Variants in NECTIN1 observed in about 807,000 individuals in gnomAD.
The protein encoded by NECTIN1 is nectin cell adhesion molecule 1.
NECTIN1 carries 23 observed loss-of-function variants against 48.0 expected under a neutral mutation model. The observed-to-expected ratio is 0.48, with a 90% CI of 0.34 to 0.68. The LOEUF (loss-of-function observed/expected upper bound fraction) is 0.68. Among genes scored for constraint, NECTIN1 ranks in the 30% least tolerant of loss-of-function variants. The pLI, the probability that NECTIN1 is intolerant of heterozygous loss-of-function variation, is 0.01. For synonymous variants in NECTIN1, 270 were observed against 288.9 expected (o/e 0.93, Z 0.66); for missense variants, 591 against 709.9 (o/e 0.83, Z 1.90).
Position 119,727,016 on chromosome 11 carries a change from A to AC in NECTIN1, c.79+1458dup, listed in dbSNP as rs906823492. ...CACCTGTGAGCCCTGGATTTTCCCC[A>AC]CCCCCCACATCGAGCAGGGCAGCAC... On this transcript the variant is annotated intron_variant, in intron 1 of 5. Coordinates refer to ENST00000264025, the MANE Select transcript of NECTIN1 (RefSeq NM_002855.5). This position sits in a 1 kb window ranked among gnomAD's most constrained non-coding sequence, Gnocchi z 4.1. 6.6e-6 allele frequency among the ~76,000 whole-genome samples: 1 copy of AC among 151,252 alleles called. No individual in the cohort carries two copies. Among genetic ancestry groups the AC allele is most frequent in the Non-Finnish European group, 1.5e-5 (1 of 67,804 alleles).
rs1273584889 is a variant in NECTIN1, at chr11:119,692,273, C to T, written c.80-13508G>A. 3.3e-5 allele frequency among the ~76,000 whole-genome samples: 5 copies of T among 151,848 alleles called. No individual in the cohort carries two copies. The South Asian group carries it at 6.2e-4, about 19-fold the overall frequency. ...TCACGGAGGAACCAGCACGTAGGCT[C>T]GGGGCTCGCGCCCAGCTGCGGATGC... On this transcript the variant is annotated intron_variant, in intron 1 of 5. Transcript: ENST00000264025.
chr11:119,708,206 TAGAGAC>T (rs1022446781), intron 1 of NECTIN1, among the ~76,000 whole-genome samples: 10 of 151,490 alleles, frequency 6.6e-5, no homozygotes, highest in Non-Finnish European at 7.4e-5. Context: ...CAGACAGAGA[TAGAGAC>T]AGAGACAGAG....
Position 119,705,076 on chromosome 11 carries a change from G to A in NECTIN1, c.79+23399C>T, listed in dbSNP as rs527747662. Among the ~76,000 whole-genome samples, 6 of 152,266 alleles carry A rather than the reference G, an allele frequency of 3.9e-5. No individual in the cohort carries two copies. In the East Asian group the frequency reaches 9.7e-4, roughly 25 times the overall value. ...GCTCTGCAGGATGATAAGGCTCTAC[G>A]GGAGGCCAGCCCACATCACAGGCCA... On this transcript the variant is annotated intron_variant, in intron 1 of 5. Transcript: ENST00000264025.
chr11:119,695,809 C>T (rs1172272557), intron 1 of NECTIN1, among the ~76,000 whole-genome samples: 1 of 152,176 alleles, frequency 6.6e-6, no homozygotes, highest in Non-Finnish European at 1.5e-5. Flanking sequence ...CTTTGCTCCC[C>T]AGGTTGGTTT....
At chr11:119,724,292 C>T (rs1565406036) in intron 1 of NECTIN1, among the ~76,000 whole-genome samples, 2 of 152,172 alleles carry the variant, frequency 1.3e-5, no homozygotes, top group African/African-American at 4.8e-5. Flanking sequence ...TGGGGCAGGC[C>T]AGGCCCCAGG....
intron 5 of NECTIN1, among the ~76,000 whole-genome samples, chr11:119,652,138 G>C (rs1864501642): frequency 1.3e-5 from 2 of 152,144 alleles, no homozygotes; most frequent in Non-Finnish European, 2.9e-5. Context: ...GTGCCTTGCT[G>C]TCCCCTGTCC....
chr11:119,640,191 G>C (rs1006807226), intron 5 of NECTIN1: 4 of 673,264 alleles, frequency 5.9e-6, no homozygotes, highest in Middle Eastern at 3.9e-4. Context: ...TGGGATGGAG[G>C]CTCCTCCTCT....
intron 1 of NECTIN1, among the ~76,000 whole-genome samples, chr11:119,703,688 G>A (rs1396366177): frequency 6.6e-6 from 1 of 152,190 alleles, no homozygotes; most frequent in African/African-American, 2.4e-5. Context: ...AAGCACACCT[G>A]GCCCATGTTA....
rs545113228 is a variant in NECTIN1 at position 119,672,923 on chromosome 11, C to G, written c.1003+2236G>C. On this transcript the variant is annotated intron_variant, in intron 5 of 5. Transcript: ENST00000264025. The surrounding 1 kb of genome is among the most constrained non-coding windows in gnomAD (Gnocchi z 4.3). The stretch of plus-strand genomic sequence containing the variant: ...ACACACGTGTTCTGCATATGCGTGT[C>G]CCTCCAGCACACCCCCTGCTGCCCA... 1.2e-4 allele frequency among the ~76,000 whole-genome samples: 19 copies of G among 152,336 alleles called. No individual in the cohort carries two copies. Among genetic ancestry groups the G allele is most frequent in the African/African-American group, 3.8e-4 (16 of 41,564 alleles).
At chr11:119,653,201 C>T (rs1458576200) in intron 5 of NECTIN1, among the ~76,000 whole-genome samples, 1 of 152,128 alleles carries the variant, frequency 6.6e-6, no homozygotes, top group Non-Finnish European at 1.5e-5. Context: ...ACAGTTGTTA[C>T]CGTATTCCTC....
At chr11:119,688,995 G>T (rs945495487) in intron 1 of NECTIN1, among the ~76,000 whole-genome samples, 23 of 148,884 alleles carry the variant, frequency 1.5e-4, no homozygotes, top group African/African-American at 3.8e-4. Flanking sequence ...AGACAGGGAG[G>T]GGAGGGAGGC....
intron 5 of NECTIN1, among the ~76,000 whole-genome samples, chr11:119,651,195 G>A (rs1864485181): frequency 6.6e-6 from 1 of 152,186 alleles, no homozygotes; most frequent in Non-Finnish European, 1.5e-5. Flanking sequence ...GAGTGTTTCA[G>A]AGGGAGAGCC....
rs1865121643 is a variant in NECTIN1 at position 119,684,526 on chromosome 11, G to A, written c.80-5761C>T. Among the ~76,000 whole-genome samples the A allele has an allele frequency of 6.6e-6, 1 of 152,190 alleles. No individual in the cohort carries two copies. Among genetic ancestry groups the A allele is most frequent in the African/African-American group, 2.4e-5 (1 of 41,446 alleles). ...CCCCCACCCCAGGAACTGGCAGAAG[G>A]GGACAGGATGTCCGGTGAGAAACCG... On this transcript the variant is annotated intron_variant, in intron 1 of 5. Coordinates refer to ENST00000264025, the MANE Select transcript of NECTIN1 (RefSeq NM_002855.5). The surrounding 1 kb of genome is among the most constrained non-coding windows in gnomAD (Gnocchi z 5.2).
At position 119,662,836 on chromosome 11, in the gene NECTIN1, C is replaced by G; in HGVS notation, c.*1911G>C. On this transcript the variant is annotated 3_prime_UTR_variant, in exon 6 of 6. Coordinates refer to ENST00000264025, the MANE Select transcript of NECTIN1 (RefSeq NM_002855.5). This position sits in a 1 kb window ranked among gnomAD's most constrained non-coding sequence, Gnocchi z 5.3. The stretch of plus-strand genomic sequence containing the variant: ...CCCTAACTTCACCCTATCCAGTACC[C>G]CAAATGTGTAGAGGGGAGAGCCGCA... 15 of 986,070 alleles carry G rather than the reference C, an allele frequency of 1.5e-5. No homozygotes were observed. The highest frequency in any genetic ancestry group is 1.8e-5 in the Non-Finnish European group (15 of 830,124). The allele number at this position is 986,070 out of a possible 1,614,324, so 61.1% of individuals were successfully genotyped here.
chr11:119,712,342 C>T (rs1350795571), intron 1 of NECTIN1, among the ~76,000 whole-genome samples: 1 of 145,634 alleles, frequency 6.9e-6, no homozygotes, highest in Non-Finnish European at 1.5e-5. Context: ...CCCCTCCCCT[C>T]CCCCAGTTCA....
intron 1 of NECTIN1, among the ~76,000 whole-genome samples, chr11:119,726,592 C>T (rs1865910006): frequency 6.6e-6 from 1 of 152,218 alleles, no homozygotes; most frequent in Non-Finnish European, 1.5e-5. Flanking sequence ...CTCCCTGCTC[C>T]CACTTCCTGA....
chr11:119,715,105 C>A (rs1314871615), intron 1 of NECTIN1, among the ~76,000 whole-genome samples: 1 of 152,174 alleles, frequency 6.6e-6, no homozygotes, highest in African/African-American at 2.4e-5. Flanking sequence ...GTGGTGAGTA[C>A]CCTGTCAGTG....
At chr11:119,652,063 C>A (rs1864499977) in intron 5 of NECTIN1, among the ~76,000 whole-genome samples, 1 of 152,192 alleles carries the variant, frequency 6.6e-6, no homozygotes, top group South Asian at 2.1e-4. Context: ...CGGCTGCCAT[C>A]CAGCCCTGAC....
At chr11:119,660,488 A>C (rs1864642623), downstream of NECTIN1, among the ~76,000 whole-genome samples, 1 of 152,104 alleles carries the variant, frequency 6.6e-6, no homozygotes, top group Admixed American at 6.5e-5. Context: ...GAAAGGATAA[A>C]GCTCTCAGCT....
Sources: allele counts gnomAD v4.1 joint callset (sites outside exome capture counted in the v4.1 genomes callset), GRCh38; gene constraint gnomAD v4.1.1; non-coding constraint Gnocchi (gnomAD v3.1); transcripts MANE v1.5; gene names NCBI Gene and HGNC (gene_info 2026-07-23, HGNC 2026-07-21).